KIF26B: variants seen among roughly 807,000 people sequenced by gnomAD.
KIF26B encodes the protein kinesin family member 26B.
KIF26B carries 63 observed loss-of-function variants against 151.2 expected under a neutral mutation model. The ratio of observed to expected loss-of-function variants is 0.42; its 90% CI spans 0.34 to 0.51. The LOEUF is 0.51. KIF26B is among the 20% of genes least tolerant of loss of function. KIF26B has a pLI of 0.07. For synonymous variants in KIF26B, 1,357 were observed against 1,262.1 expected (o/e 1.08, Z -1.59); for missense variants, 2,813 against 2,913.6 (o/e 0.97, Z 0.79).
intron 10 of KIF26B, among the ~76,000 whole-genome samples, chr1:245,652,143 TGTGA>T (rs1370581002): frequency 2.0e-4 from 22 of 111,270 alleles, no homozygotes; most frequent in African/African-American, 8.4e-4. Flanking sequence ...TGTGTGTGTG[TGTGA>T]GAGAGACATA....
intron 3 of KIF26B, among the ~76,000 whole-genome samples, chr1:245,419,035 T>C (rs1157120366): frequency 6.6e-6 from 1 of 152,214 alleles, no homozygotes; most frequent in East Asian, 1.9e-4. Context: ...TGTGGCTATA[T>C]TTATTTTTAT....
At chr1:245,548,344 G>A (rs556575413) in intron 5 of KIF26B, among the ~76,000 whole-genome samples, 1 of 152,254 alleles carries the variant, frequency 6.6e-6, no homozygotes, top group African/African-American at 2.4e-5. Context: ...GCACTGTGTA[G>A]GGTCCGTCCT....
chr1:245,685,368 G>A (rs764132071), intron 11 of KIF26B, 37 bp from the exon 12 acceptor site: 13 of 1,530,994 alleles, frequency 8.5e-6, no homozygotes, highest in African/African-American at 4.1e-5. Flanking sequence ...AAACTGCCAC[G>A]GAAAGGCCAC....
At chr1:245,665,999 C>T (rs1210299017) in intron 10 of KIF26B, among the ~76,000 whole-genome samples, 9 of 107,416 alleles carry the variant, frequency 8.4e-5, no homozygotes, top group African/African-American at 2.9e-4. Flanking sequence ...ACATTATGTC[C>T]TTTTTTTTTT....
At chr1:245,304,053 C>T (rs1487034323) in intron 2 of KIF26B, among the ~76,000 whole-genome samples, 1 of 152,212 alleles carries the variant, frequency 6.6e-6, no homozygotes, top group Non-Finnish European at 1.5e-5. Flanking sequence ...ATTTGCAGAT[C>T]TTTTTACACT....
chr1:245,163,210 C>T (rs1398221733), intron 2 of KIF26B, among the ~76,000 whole-genome samples: 1 of 152,086 alleles, frequency 6.6e-6, no homozygotes, highest in Non-Finnish European at 1.5e-5. Context: ...GGCACAATCT[C>T]GGCTCACTGC....
In KIF26B at chr1:245,705,374, T is replaced by C. The variant is rs1381945640; in HGVS notation, c.*2768T>C. ...GGCATTTTACGTTATGATGTGCTTG[T>C]TCCTGTCTCTGCCTATAAATTGACT... On this transcript the variant is annotated 3_prime_UTR_variant, in exon 15 of 15. Coordinates refer to ENST00000407071, the MANE Select transcript of KIF26B (RefSeq NM_018012.4). 6.6e-6 allele frequency: 1 copy of C among 152,182 alleles called. No individual in the cohort carries two copies. Among genetic ancestry groups the C allele is most frequent in the Non-Finnish European group, 1.5e-5 (1 of 68,032 alleles). The allele number at this position is 152,182 out of a possible 1,614,324, so 9.4% of individuals were successfully genotyped here. A position where few individuals can be genotyped will look rare whatever the true frequency, so the allele number is the denominator to read the frequency against.
At chr1:245,427,116 A>G (rs1658666302) in intron 4 of KIF26B, among the ~76,000 whole-genome samples, 1 of 152,190 alleles carries the variant, frequency 6.6e-6, no homozygotes, top group Admixed American at 6.5e-5. Flanking sequence ...CAATATTACC[A>G]GAGAAAAACT....
intron 3 of KIF26B, among the ~76,000 whole-genome samples, chr1:245,413,650 A>G (rs994265113): frequency 6.6e-6 from 1 of 152,160 alleles, no homozygotes; most frequent in Admixed American, 6.5e-5. Flanking sequence ...GTGACAGAAC[A>G]AGACTCCATC....
chr1:245,541,955 T>C (rs1661635837), intron 5 of KIF26B, among the ~76,000 whole-genome samples: 1 of 152,120 alleles, frequency 6.6e-6, no homozygotes, highest in Admixed American at 6.5e-5. Context: ...TTTCCCAGTT[T>C]CTCCCGTGTC....
intron 5 of KIF26B, among the ~76,000 whole-genome samples, chr1:245,590,941 G>A (rs1036430758): frequency 1.3e-5 from 2 of 150,794 alleles, no homozygotes; most frequent in Non-Finnish European, 1.5e-5. Context: ...ATTGGATGAC[G>A]TTGGGCAAGT....
intron 10 of KIF26B, among the ~76,000 whole-genome samples, chr1:245,649,707 C>T (rs748368635): frequency 4.6e-5 from 7 of 152,082 alleles, no homozygotes; most frequent in Middle Eastern, 3.4e-3. Flanking sequence ...CACAGACACC[C>T]CACTACCTCT....
chr1:245,660,016 T>C (rs1334484271), intron 10 of KIF26B, among the ~76,000 whole-genome samples: 5 of 151,466 alleles, frequency 3.3e-5, no homozygotes, highest in Admixed American at 3.3e-4. Flanking sequence ...GCCATTGCAC[T>C]CCAGCCTGGG....
intron 3 of KIF26B, among the ~76,000 whole-genome samples, chr1:245,390,408 G>A (rs1042658126): frequency 2.0e-5 from 3 of 151,962 alleles, no homozygotes; most frequent in Non-Finnish European, 2.9e-5. Flanking sequence ...TTGTAGACAC[G>A]GGGTTTCACC....
At chr1:245,249,489 A>ATTTTT (rs60378504) in intron 2 of KIF26B, among the ~76,000 whole-genome samples, 2 of 79,808 alleles carry the variant, frequency 2.5e-5, no homozygotes, top group Non-Finnish European at 5.0e-5. Context: ...GTGTTAATCT[A>ATTTTT]TTTTTTTTTT....
chr1:245,212,931 C>T (rs1669574516), intron 2 of KIF26B, among the ~76,000 whole-genome samples: 1 of 152,208 alleles, frequency 6.6e-6, no homozygotes, highest in South Asian at 2.1e-4. Flanking sequence ...CTCCCTGGCG[C>T]TAACACTGAG....
In KIF26B at chr1:245,686,441, A is replaced by G; in HGVS notation, c.3458A>G (p.Asp1153Gly). 1 of 1,613,388 alleles carries G rather than the reference A, an allele frequency of 6.2e-7. No individual in the cohort carries two copies. Among genetic ancestry groups the G allele is most frequent in the Non-Finnish European group, 8.5e-7 (1 of 1,179,888 alleles). The stretch of plus-strand genomic sequence containing the variant: ...GAAGGGTTCCCGGAAACTCCTGTCG[A>G]TGATGAGCAGCAGGCAGCTACTCCT... ...GSEGFPETPV[D>G]DEQQAATPSE... The change falls in exon 12 of 15, where the codon GAT (aspartate) becomes GGT (glycine). Residue 1153 changes from aspartate (D) to glycine (G), a missense_variant. Asp to Gly is a moderately conservative substitution (Grantham distance 94). Transcript: ENST00000407071. This position sits in a 1 kb window ranked among gnomAD's most constrained non-coding sequence, Gnocchi z 5.6.
rs1046973785 is a variant in KIF26B at position 245,516,982 on chromosome 1, G to T, written c.1167-23785G>T. On this transcript the variant is annotated intron_variant, in intron 4 of 14. Transcript: ENST00000407071. The surrounding 1 kb of genome is among the most constrained non-coding windows in gnomAD (Gnocchi z 4.2). ...CCCCCACCTGACCATGGTCGCAGTG[G>T]GGGGCTTTCTCTTGGTATTTAATTA... 6.6e-6 allele frequency among the ~76,000 whole-genome samples: 1 copy of T among 152,232 alleles called. No individual in the cohort carries two copies. Among genetic ancestry groups the T allele is most frequent in the Non-Finnish European group, 1.5e-5 (1 of 68,042 alleles).
intron 10 of KIF26B, among the ~76,000 whole-genome samples, chr1:245,662,219 C>T (rs1014831760): frequency 6.7e-6 from 1 of 150,074 alleles, no homozygotes; most frequent in African/African-American, 2.5e-5. Flanking sequence ...AATATACACA[C>T]ACTATATAGA....
Sources: allele counts gnomAD v4.1 joint callset (sites outside exome capture counted in the v4.1 genomes callset), GRCh38; gene constraint gnomAD v4.1.1; non-coding constraint Gnocchi (gnomAD v3.1); transcripts MANE v1.5; gene names NCBI Gene and HGNC (gene_info 2026-07-23, HGNC 2026-07-21).